The following MARK4 variants were observed in gnomAD, a reference collection of about 807,000 sequenced individuals.
The protein encoded by MARK4 is MAP/microtubule affinity-regulating kinase 4.
A neutral mutation model predicts 81.5 loss-of-function variants in MARK4; 19 were observed. The observed-to-expected ratio is 0.23, with a 90% CI of 0.16 to 0.34. The LOEUF (loss-of-function observed/expected upper bound fraction) is 0.34, where lower values mean the gene tolerates loss of function less well. Among genes scored for constraint, MARK4 ranks in the 10% least tolerant of loss-of-function variants. MARK4 has a pLI of 1.00. For synonymous variants in MARK4, 436 were observed against 439.0 expected (o/e 0.99, Z 0.08); for missense variants, 772 against 1,058.8 (o/e 0.73, Z 3.76).
intron 8 of MARK4, among the ~76,000 whole-genome samples, chr19:45,276,978 A>C (rs1282830829): frequency 1.3e-5 from 2 of 151,766 alleles, no homozygotes; most frequent in Non-Finnish European, 2.9e-5. Context: ...GGTAGCAAGC[A>C]TGTGAAGTGG....
rs1311787234 is a variant in MARK4, at chr19:45,287,628, G to A, written c.1458G>A (p.Glu486=). 2 of 1,596,696 alleles carry A rather than the reference G, an allele frequency of 1.3e-6. No homozygotes were observed. Among genetic ancestry groups the A allele is most frequent in the East Asian group, 2.2e-5 (1 of 44,472 alleles). ...VSSAHNPNKA[E]IPERRKDSTS... ...GCGCCCACAACCCCAACAAGGCAGA[G>A]ATCCCAGAGCGGCGGAAGGACAGCA... Residue 486 remains glutamate, a synonymous_variant, in exon 13 of 17, where the codon GAG becomes GAA. Coordinates refer to ENST00000262891, the MANE Select transcript of MARK4 (RefSeq NM_001199867.2).
intron 10 of MARK4, 98 bp from the exon 11 acceptor site, chr19:45,280,276 T>A: frequency 9.2e-7 from 1 of 1,085,488 alleles, no homozygotes; most frequent in Non-Finnish European, 1.4e-6. Flanking sequence ...CACTCCAGCC[T>A]GGGTGACAGA....
chr19:45,297,048 CAA>C (rs35511511), intron 14 of MARK4, among the ~76,000 whole-genome samples: 14 of 90,526 alleles, frequency 1.5e-4, no homozygotes, highest in Admixed American at 5.4e-4. Context: ...GACTCTGTCT[CAA>C]AAAAAAAAAA....
chr19:45,278,425 G>C, intron 9 of MARK4, 91 bp from the exon 10 acceptor site: 1 of 1,128,146 alleles, frequency 8.9e-7, no homozygotes, highest in Non-Finnish European at 1.3e-6. Context: ...TGGGTGTTAG[G>C]CCTCGGAGGT....
chr19:45,265,147 C>T (rs1056704187), intron 6 of MARK4, among the ~76,000 whole-genome samples: 2 of 152,156 alleles, frequency 1.3e-5, no homozygotes, highest in Non-Finnish European at 2.9e-5. Flanking sequence ...CATGAAGGCG[C>T]CCCGGTGGGC....
Position 45,304,138 on chromosome 19 carries a change from T to A in MARK4, c.*1428T>A, listed in dbSNP as rs1397984787. The A allele has an allele frequency of 6.6e-6, 1 of 152,252 alleles. No homozygotes were observed. Among genetic ancestry groups the A allele is most frequent in the Non-Finnish European group, 1.5e-5 (1 of 68,050 alleles). The allele number at this position is 152,252 out of a possible 1,614,324, so 9.4% of individuals were successfully genotyped here. On this transcript the variant is annotated 3_prime_UTR_variant, in exon 17 of 17. Coordinates refer to ENST00000262891, the MANE Select transcript of MARK4 (RefSeq NM_001199867.2). ...CCAGGCATCAGGCCATTGCATCTAT[T>A]TTTTCAGTGTAAGTTGAATTCTAGT...
At chr19:45,296,856 C>T (rs1216794510) in intron 14 of MARK4, among the ~76,000 whole-genome samples, 1 of 152,122 alleles carries the variant, frequency 6.6e-6, no homozygotes, top group African/African-American at 2.4e-5. Context: ...TTGAGACCAG[C>T]CTGGCCAACA....
chr19:45,298,205 C>T (rs1178341778), intron 15 of MARK4: 2 of 1,614,088 alleles, frequency 1.2e-6, no homozygotes, highest in Non-Finnish European at 1.7e-6. Context: ...GCCTCTCTGC[C>T]CCAGGGATCC....
chr19:45,266,762 T>C (rs992248119), intron 7 of MARK4, among the ~76,000 whole-genome samples: 1 of 143,748 alleles, frequency 7.0e-6, no homozygotes, highest in African/African-American at 2.6e-5. Flanking sequence ...AGACAGAGTC[T>C]CACTCTGTCG....
chr19:45,253,160 C>T (rs1437710504), intron 1 of MARK4, among the ~76,000 whole-genome samples: 1 of 151,144 alleles, frequency 6.6e-6, no homozygotes, highest in Non-Finnish European at 1.5e-5. Flanking sequence ...TCCCCTTCCC[C>T]CTGTTTCCCT....
intron 15 of MARK4, among the ~76,000 whole-genome samples, chr19:45,299,064 TAAAAAAA>T (rs59720430): frequency 5.9e-5 from 5 of 85,000 alleles, no homozygotes; most frequent in Admixed American, 4.3e-4. Context: ...AACCTGTCTC[TAAAAAAA>T]AAAAAAAAAA....
chr19:45,259,175 C>T lies in MARK4; in HGVS notation c.238C>T (p.Leu80Phe). 2 of 1,614,082 alleles carry T rather than the reference C, an allele frequency of 1.2e-6. No homozygotes were observed. The highest frequency in any genetic ancestry group is 2.2e-5 in the South Asian group (2 of 91,072). Reference protein sequence around the residue: ...FAKVKLARHILTGREVAIKII... With the variant: ...FAKVKLARHIFTGREVAIKII... ...CAAAGTCAAGCTGGCTCGGCACATCCTCACTGGTCGGGAGGTGAGTATGGG... is the reference window on the plus strand; with the variant it reads ...CAAAGTCAAGCTGGCTCGGCACATCTTCACTGGTCGGGAGGTGAGTATGGG... The change falls in exon 2 of 17, where the codon CTC (leucine) becomes TTC (phenylalanine). Residue 80 changes from leucine (L) to phenylalanine (F), a missense_variant. Physicochemically the swap from Leu to Phe is conservative, Grantham distance 22. This residue lies in a region of MARK4 where 115 missense variants were observed against 139.8 expected (regional missense o/e 0.82). Transcript: ENST00000262891.
At chr19:45,264,175 G>A (rs1970418948) in intron 4 of MARK4, among the ~76,000 whole-genome samples, 1 of 152,044 alleles carries the variant, frequency 6.6e-6, no homozygotes, top group African/African-American at 2.4e-5. Context: ...CAAATCTCTG[G>A]CCTCATGGAG....
intron 7 of MARK4, among the ~76,000 whole-genome samples, chr19:45,270,938 T>C (rs1414615692): frequency 1.3e-5 from 2 of 152,172 alleles, no homozygotes; most frequent in East Asian, 3.8e-4. Flanking sequence ...GCCCAGCTAA[T>C]TTTGTATTTT....
chr19:45,291,802 A>G (rs905740675), intron 13 of MARK4, among the ~76,000 whole-genome samples: 1 of 152,070 alleles, frequency 6.6e-6, no homozygotes, highest in Non-Finnish European at 1.5e-5. Flanking sequence ...AAAACAAAAA[A>G]CCACATTGTC....
In MARK4 at chr19:45,264,581, T is replaced by C. The variant is rs1970425530; in HGVS notation, c.356-103T>C. 9.5e-6 allele frequency: 10 copies of C among 1,054,276 alleles called. No homozygotes were observed. In the South Asian group the frequency reaches 1.1e-4, roughly 12 times the overall value. 65.3% of individuals were successfully genotyped at this position (1,054,276 alleles called of 1,614,324 possible). ...CAGTAGGGAGCCATTGAGTGTTGAG[T>C]TGGGGTGGGGGTGTTATGGTTGGCA... On this transcript the variant is annotated intron_variant, in intron 4 of 16. Coordinates refer to ENST00000262891, the MANE Select transcript of MARK4 (RefSeq NM_001199867.2).
In MARK4 at chr19:45,251,569, C is replaced by T. The variant is rs1034342281; in HGVS notation, c.-20C>T. 1.5e-6 allele frequency: 2 copies of T among 1,311,320 alleles called. No individual in the cohort carries two copies. Among genetic ancestry groups the T allele is most frequent in the Non-Finnish European group, 2.0e-6 (2 of 1,008,826 alleles). The allele number at this position is 1,311,320 out of a possible 1,614,324, so 81.2% of individuals were successfully genotyped here. ...CGCCCCCCCCACCCGGCCGCCCCTG[C>T]CCCCCGGGACCCGGAGAAGATGTCT... On this transcript the variant is annotated 5_prime_UTR_variant, in exon 1 of 17. Transcript: ENST00000262891.
chr19:45,280,145 T>C, intron 10 of MARK4: 1 of 455,512 alleles, frequency 2.2e-6, no homozygotes, highest in Non-Finnish European at 4.0e-6. Flanking sequence ...GCCCAGGAGT[T>C]TCAAACCAGC....
chr19:45,283,192 C>A (rs914088913), intron 12 of MARK4, among the ~76,000 whole-genome samples: 1 of 151,852 alleles, frequency 6.6e-6, no homozygotes, highest in Non-Finnish European at 1.5e-5. Context: ...GGCAGATCAC[C>A]TGAGCGCAGG....
Sources: gnomAD v4.1 joint callset for allele counts (sites outside exome capture counted in the v4.1 genomes callset) on GRCh38, gnomAD v4.1.1 for gene constraint, gnomAD v4.1.1 regional missense constraint, MANE v1.5 for transcripts, NCBI Gene and HGNC (gene_info 2026-07-23, HGNC 2026-07-21) for gene names.